ARHGEF9: variants seen among roughly 807,000 people sequenced by gnomAD.
ARHGEF9 encodes the protein Cdc42 guanine nucleotide exchange factor 9, also known as rho guanine nucleotide exchange factor 9.
A neutral mutation model predicts 41.3 loss-of-function variants in ARHGEF9; 2 were observed. The ratio of observed to expected loss-of-function variants is 0.05; its 90% CI spans 0.02 to 0.15. ARHGEF9 has a LOEUF of 0.15. Among genes scored for constraint, ARHGEF9 ranks in the 10% least tolerant of loss-of-function variants. The pLI, the probability that ARHGEF9 is intolerant of heterozygous loss-of-function variation, is 1.00. For synonymous variants in ARHGEF9, 160 were observed against 154.4 expected, an observed-to-expected ratio of 1.04 and a Z score of -0.27; for missense variants, 225 against 424.7, an observed-to-expected ratio of 0.53 and a Z score of 4.13.
At chrX:63,764,098 C>G (rs373563017) in intron 1 of ARHGEF9, among the ~76,000 whole-genome samples, 12 of 112,012 alleles carry the variant, frequency 1.1e-4, no homozygotes, top group African/African-American at 3.6e-4. Flanking sequence ...CCAGAATCTA[C>G]AAGGAACTTA....
chrX:63,639,201 G>A (rs1328327347), intron 9 of ARHGEF9, among the ~76,000 whole-genome samples: 1 of 111,621 alleles, frequency 9.0e-6, no homozygotes, highest in African/African-American at 3.3e-5. Flanking sequence ...CCTTTGCCTG[G>A]AAGTAGTATC....
At chrX:63,656,671 AT>A (rs2048896470) in intron 7 of ARHGEF9, 1 of 111,315 alleles carries the variant, frequency 9.0e-6, no homozygotes, top group Non-Finnish European at 1.9e-5. Flanking sequence ...ATACAAAAAA[AT>A]GCCACATAAT....
chrX:63,716,965 G>T (rs185087818), intron 2 of ARHGEF9, among the ~76,000 whole-genome samples: 1 of 112,295 alleles, frequency 8.9e-6, no homozygotes, highest in Non-Finnish European at 1.9e-5. Context: ...TTAACAGTAA[G>T]CTATGCTTAC....
chrX:63,718,723 C>A (rs2053470345), intron 2 of ARHGEF9, among the ~76,000 whole-genome samples: 1 of 112,224 alleles, frequency 8.9e-6, no homozygotes, highest in South Asian at 3.7e-4. Flanking sequence ...CAGACTACAG[C>A]ATAAGGGCTA....
chrX:63,759,782 G>A (rs2056001825), intron 1 of ARHGEF9, among the ~76,000 whole-genome samples: 3 of 112,001 alleles, frequency 2.7e-5, no homozygotes, highest in African/African-American at 9.7e-5. Flanking sequence ...GGTACGGTAG[G>A]TACTATTATT....
chrX:63,650,906 A>T (rs186877588), intron 8 of ARHGEF9, among the ~76,000 whole-genome samples: 1 of 111,382 alleles, frequency 9.0e-6, no homozygotes, highest in East Asian at 2.8e-4. Context: ...GGAAGATATG[A>T]TAATTAGAAA....
At chrX:63,733,560 T>C (rs782801461) in intron 1 of ARHGEF9, among the ~76,000 whole-genome samples, 1 of 112,744 alleles carries the variant, frequency 8.9e-6, no homozygotes, top group East Asian at 2.8e-4. Context: ...CTTGGCAGAA[T>C]AATTAATGCA....
At chrX:63,705,319 C>A (rs1358881476) in intron 3 of ARHGEF9, among the ~76,000 whole-genome samples, 15 of 107,501 alleles carry the variant, frequency 1.4e-4, no homozygotes, top group Non-Finnish European at 2.7e-4. Flanking sequence ...AGATTCAATG[C>A]AGAGTTTTCC....
chrX:63,777,498 A>C (rs1382780674), intron 1 of ARHGEF9, among the ~76,000 whole-genome samples: 2 of 111,602 alleles, frequency 1.8e-5, no homozygotes, highest in African/African-American at 6.5e-5. Flanking sequence ...ATGCCCTTCC[A>C]ACAGTCCCTC....
At chrX:63,753,606 T>C (rs1237993879) in intron 1 of ARHGEF9, among the ~76,000 whole-genome samples, 1 of 109,482 alleles carries the variant, frequency 9.1e-6, no homozygotes, top group East Asian at 2.9e-4. Flanking sequence ...GTACAATCTT[T>C]GGGAAAGGGA....
chrX:63,681,441 A>G (rs2050617666), intron 4 of ARHGEF9, among the ~76,000 whole-genome samples: 1 of 112,447 alleles, frequency 8.9e-6, no homozygotes, highest in Non-Finnish European at 1.9e-5. Flanking sequence ...AGTCAGTAAC[A>G]GGAAGAAAAC....
intron 1 of ARHGEF9, chrX:63,736,993 G>A (rs2054650914): frequency 9.0e-6 from 1 of 111,161 alleles, no homozygotes; most frequent in Non-Finnish European, 1.9e-5. Flanking sequence ...GTCTCACCTT[G>A]GAGGTTACCG....
chrX:63,778,252 C>T (rs2056325835), intron 1 of ARHGEF9, among the ~76,000 whole-genome samples: 1 of 112,486 alleles, frequency 8.9e-6, no homozygotes, highest in African/African-American at 3.2e-5. Context: ...CGGCTTGGGG[C>T]TTGTACCCTC....
At chrX:63,727,848 A>C (rs1403981876) in intron 1 of ARHGEF9, among the ~76,000 whole-genome samples, 1 of 112,287 alleles carries the variant, frequency 8.9e-6, no homozygotes, top group East Asian at 2.8e-4. Context: ...CTGAAGCTCA[A>C]AGAAGTTAAA....
chrX:63,697,275 C>T lies in ARHGEF9; in HGVS notation c.432G>A (p.Arg144=), dbSNP rs781937951. Residue 144 remains arginine, a synonymous_variant, in exon 4 of 10, where the codon AGG becomes AGA. Coordinates refer to ENST00000671741, the MANE Select transcript of ARHGEF9 (RefSeq NM_001353921.2). ...EGYLKQCRKR[R]DMFSDEQLKV... is the part of the protein sequence containing the mutation. ...TCAGTTGCTCGTCACTGAACATGTC[C>T]CTTCTCTTCCGGCACTGCTTCAGAT... 28 of 1,209,308 alleles carry T rather than the reference C, an allele frequency of 2.3e-5. No individual in the cohort carries two copies. Among genetic ancestry groups the T allele is most frequent in the Non-Finnish European group, 2.9e-5 (26 of 894,932 alleles).
chrX:63,773,734 A>G (rs2056242023), intron 1 of ARHGEF9, among the ~76,000 whole-genome samples: 1 of 112,007 alleles, frequency 8.9e-6, no homozygotes, highest in South Asian at 3.7e-4. Flanking sequence ...CACAATGTGG[A>G]TGAGCCTCCA....
intron 1 of ARHGEF9, 147 bp from the exon 2 acceptor site, chrX:63,724,858 G>T: frequency 1.8e-6 from 1 of 545,150 alleles, no homozygotes; most frequent in Non-Finnish European, 3.1e-6. Flanking sequence ...TGGAACAAAA[G>T]TTCCATTAGA....
intron 4 of ARHGEF9, among the ~76,000 whole-genome samples, chrX:63,696,465 C>T: frequency 9.0e-6 from 1 of 111,396 alleles, no homozygotes; most frequent in East Asian, 2.8e-4. Flanking sequence ...ACTACAGATA[C>T]AGGACTCAAA....
At chrX:63,740,307 G>C (rs1247491228) in intron 1 of ARHGEF9, among the ~76,000 whole-genome samples, 1 of 112,069 alleles carries the variant, frequency 8.9e-6, no homozygotes, top group Non-Finnish European at 1.9e-5. Flanking sequence ...ACTCCATGAG[G>C]GTGTCTTCTC....
Sources: allele counts gnomAD v4.1 joint callset (sites outside exome capture counted in the v4.1 genomes callset), GRCh38; gene constraint gnomAD v4.1.1; transcripts MANE v1.5; gene names NCBI Gene and HGNC (gene_info 2026-07-23, HGNC 2026-07-21).